Variants in COL2A1 observed in about 807,000 individuals in gnomAD.
The protein encoded by COL2A1 is collagen type II alpha 1 chain, also known as collagen alpha-1(II) chain.
In COL2A1, 28 loss-of-function variants were observed where a neutral mutation model predicts 204.5. The observed-to-expected ratio is 0.14, with a 90% CI of 0.10 to 0.19. The LOEUF (loss-of-function observed/expected upper bound fraction) is 0.19. Among genes scored for constraint, COL2A1 ranks in the 10% least tolerant of loss-of-function variants. The probability of loss-of-function intolerance (pLI) is 1.00; values close to 1 mark genes in which losing one functional copy is unlikely to be tolerated. For missense variants in COL2A1, 1,388 were observed against 2,027.5 expected, an observed-to-expected ratio of 0.68 and a Z score of 6.06; for synonymous variants, 708 against 718.7, an observed-to-expected ratio of 0.99 and a Z score of 0.24.
At chr12:47,977,238 T>A in intron 46 of COL2A1, 82 bp downstream of exon 46, 2 of 1,589,548 alleles carry the variant, frequency 1.3e-6, no homozygotes, top group Non-Finnish European at 1.7e-6. Context: ...TGCTCCTTAG[T>A]CCAGAGACTG....
intron 28 of COL2A1, among the ~76,000 whole-genome samples, 164 bp from the exon 29 acceptor site, chr12:47,984,304 G>T (rs957180031): frequency 6.6e-6 from 1 of 152,018 alleles, no homozygotes; most frequent in Admixed American, 6.6e-5. Context: ...CCCAGGCCCC[G>T]TCTTTTCTTA....
rs1484542433 is a variant in COL2A1 at position 47,976,594 on chromosome 12, C to T, written c.3436-27G>A. ...TGTGTAGAAGGAAGAGGCAAAAGGC[C>T]ACGGTCAGCACAGACATATCTATCT... is the stretch of plus-strand genomic sequence containing the variant. On this transcript the variant is annotated intron_variant, in intron 48 of 53. Coordinates refer to ENST00000380518, the MANE Select transcript of COL2A1 (RefSeq NM_001844.5). The surrounding 1 kb of genome is among the most constrained non-coding windows in gnomAD (Gnocchi z 4.3). 3 of 1,611,220 alleles carry T rather than the reference C, an allele frequency of 1.9e-6. No individual in the cohort carries two copies. The highest frequency in any genetic ancestry group is 2.2e-5 in the East Asian group (1 of 44,874).
Position 47,976,721 on chromosome 12 carries a change from G to T in COL2A1, c.3435+91C>A. ...GGAAATCCTAGAAACTGCTTAGGGT[G>T]ATCCCAAGCTGTCCTGGCAGCACAG... On this transcript the variant is annotated intron_variant, in intron 48 of 53. Coordinates refer to ENST00000380518, the MANE Select transcript of COL2A1 (RefSeq NM_001844.5). This position sits in a 1 kb window ranked among gnomAD's most constrained non-coding sequence, Gnocchi z 4.3. 7.2e-7 allele frequency: 1 copy of T among 1,392,316 alleles called. No homozygotes were observed. Among genetic ancestry groups the T allele is most frequent in the Non-Finnish European group, 1.0e-6 (1 of 993,544 alleles). The allele number at this position is 1,392,316 out of a possible 1,614,324, so 86.2% of individuals were successfully genotyped here.
intron 1 of COL2A1, among the ~76,000 whole-genome samples, chr12:48,002,288 G>T (rs771157779): frequency 2.0e-5 from 3 of 152,190 alleles, no homozygotes; most frequent in Non-Finnish European, 1.5e-5. Flanking sequence ...GGTCAAAGAC[G>T]CCGCCGCCAG....
Position 47,982,482 on chromosome 12 carries a change from G to C in COL2A1, c.2301+20C>G, listed in dbSNP as rs1939150194. On this transcript the variant is annotated intron_variant, in intron 34 of 53. Coordinates refer to ENST00000380518, the MANE Select transcript of COL2A1 (RefSeq NM_001844.5). Reference sequence around the variant, plus strand: ...GGCAAAGCCACAGCTTTGGTGAGAGGCTGTAACCTCAGTACTTACCCTGTC... The same window carrying C: ...GGCAAAGCCACAGCTTTGGTGAGAGCCTGTAACCTCAGTACTTACCCTGTC... The C allele has an allele frequency of 6.3e-6, 10 of 1,589,166 alleles. No homozygotes were observed. The highest frequency in any genetic ancestry group is 6.9e-6 in the Non-Finnish European group (8 of 1,157,570).
intron 1 of COL2A1, chr12:48,003,086 G>C (rs1486990782): frequency 6.6e-6 from 1 of 152,204 alleles, no homozygotes; most frequent in Non-Finnish European, 1.5e-5. Flanking sequence ...CGTCGGAAAC[G>C]TGCCCAAACA....
chr12:48,004,500 G>A (rs1940387638), upstream of COL2A1: 2 of 539,982 alleles, frequency 3.7e-6, no homozygotes, highest in Non-Finnish European at 6.5e-6. Flanking sequence ...CGCGGCGCCC[G>A]TTATATGCGC....
chr12:47,975,720 G>A (rs1036891030), intron 50 of COL2A1, 115 bp from the exon 51 acceptor site: 55 of 1,182,276 alleles, frequency 4.7e-5, no homozygotes, highest in Middle Eastern at 1.9e-4. Flanking sequence ...TGGGTGGGGC[G>A]GAGGTGTAGC....
intron 1 of COL2A1, chr12:48,004,014 C>G (rs1419248880): frequency 1.8e-6 from 1 of 570,596 alleles, no homozygotes; most frequent in Non-Finnish European, 3.2e-6. Context: ...CCTGCAAATA[C>G]TTGCAACTGC....
chr12:47,976,555 C>A lies in COL2A1; in HGVS notation c.3448G>T (p.Asp1150Tyr), dbSNP rs757538350. 1.9e-6 allele frequency: 3 copies of A among 1,614,232 alleles called. No homozygotes were observed. In the South Asian group the frequency reaches 3.3e-5, roughly 18 times the overall value. The change falls in exon 49 of 54, where the codon GAC (aspartate) becomes TAC (tyrosine). Residue 1150 changes from aspartate (D) to tyrosine (Y), a missense_variant. Physicochemically the swap from Asp to Tyr is radical, Grantham distance 160 (BLOSUM62 -3). Transcript: ENST00000380518. The surrounding 1 kb of genome is among the most constrained non-coding windows in gnomAD (Gnocchi z 4.3). The part of the protein sequence containing the change: ...GLPGPPGPSG[D>Y]QGASGPAGPS... The stretch of plus-strand genomic sequence containing the variant: ...CCAGCAGGACCAGAAGCACCTTGGT[C>A]TCCAGAAGGACCCTGTGTAGAAGGA...
At chr12:47,985,508 T>A in intron 26 of COL2A1, 26 bp downstream of exon 26, 4 of 1,610,872 alleles carry the variant, frequency 2.5e-6, no homozygotes, top group East Asian at 2.2e-5. Flanking sequence ...CCCACCCTCC[T>A]AGCAGCCCTC....
rs896085824 is a variant in COL2A1 at position 47,986,554 on chromosome 12, G to C, written c.1420-111C>G. 4.6e-5 allele frequency: 35 copies of C among 766,474 alleles called. 1 individual carries two copies. In the Admixed American group the frequency reaches 5.5e-4, roughly 12 times the overall value. The allele number at this position is 766,474 out of a possible 1,614,324, so 47.5% of individuals were successfully genotyped here. On this transcript the variant is annotated intron_variant, in intron 22 of 53. Coordinates refer to ENST00000380518, the MANE Select transcript of COL2A1 (RefSeq NM_001844.5). ...TTGGCAACTGTTTCAGGGCTGGGGG[G>C]GGGCTTGAGGACGAGAGGCCATAAA...
intron 29 of COL2A1, 74 bp downstream of exon 29, chr12:47,984,013 G>T (rs1408270556): frequency 6.0e-6 from 8 of 1,327,978 alleles, no homozygotes; most frequent in Non-Finnish European, 8.5e-6. Flanking sequence ...TCCATTAATG[G>T]ATGGGCTCTC....
chr12:47,984,760 C>A (rs1939295915), intron 27 of COL2A1, among the ~76,000 whole-genome samples, 161 bp from the exon 28 acceptor site: 1 of 152,236 alleles, frequency 6.6e-6, no homozygotes, highest in Non-Finnish European at 1.5e-5. Flanking sequence ...ATAATGGCAA[C>A]CAGCCTGCTG....
chr12:48,002,893 G>T (rs912383104), intron 1 of COL2A1: 1 of 152,248 alleles, frequency 6.6e-6, no homozygotes, highest in African/African-American at 2.4e-5. Context: ...CCCCCGCTGC[G>T]CTAATGACCG....
At chr12:48,004,149 G>A (rs1328022982) in intron 1 of COL2A1, 88 bp downstream of exon 1, 2 of 1,021,092 alleles carry the variant, frequency 2.0e-6, no homozygotes, top group Admixed American at 4.0e-5. Flanking sequence ...CCGGAGCCGC[G>A]GGCTCCAGAG....
At chr12:47,993,565 A>C (rs1410212102) in intron 14 of COL2A1, 63 bp from the exon 15 acceptor site, 2 of 1,449,708 alleles carry the variant, frequency 1.4e-6, no homozygotes, top group African/African-American at 2.8e-5. Flanking sequence ...GCAAACTCCT[A>C]GGGAAGACGC....
chr12:47,975,381 G>C lies in COL2A1; in HGVS notation c.3822C>G (p.Gly1274=), dbSNP rs1454805229. 2.5e-6 allele frequency: 4 copies of C among 1,614,094 alleles called. No individual in the cohort carries two copies. Among genetic ancestry groups the C allele is most frequent in the Non-Finnish European group, 2.5e-6 (3 of 1,180,050 alleles). The change falls in exon 51 of 54, where the codon GGC becomes GGG. Residue 1274 remains glycine, a synonymous_variant. Coordinates refer to ENST00000380518, the MANE Select transcript of COL2A1 (RefSeq NM_001844.5). ...AGGTGCGAGCAGGGTTCTTGCGGGA[G>C]CCCTCGGGGCTGCGGATGCTCTCAA... ...NQIESIRSPE[G]SRKNPARTCR...
chr12:47,991,054 G>T (rs1193351647), intron 16 of COL2A1, among the ~76,000 whole-genome samples: 2 of 152,212 alleles, frequency 1.3e-5, no homozygotes, highest in African/African-American at 4.8e-5. Context: ...CTCCAGATTG[G>T]CATTTAAGAG....
Sources: allele counts gnomAD v4.1 joint callset (sites outside exome capture counted in the v4.1 genomes callset), GRCh38; gene constraint gnomAD v4.1.1; non-coding constraint Gnocchi (gnomAD v3.1); transcripts MANE v1.5; gene names NCBI Gene and HGNC (gene_info 2026-07-23, HGNC 2026-07-21).